Variants in RBL2 observed in about 807,000 individuals in gnomAD.
The protein encoded by RBL2 is retinoblastoma-like protein 2.
Under a neutral mutation model 126.0 loss-of-function variants are expected in RBL2, and 56 were observed. The ratio of observed to expected loss-of-function variants is 0.44; its 90% confidence interval spans 0.36 to 0.56. RBL2 has a LOEUF of 0.56. Ranked by LOEUF, RBL2 falls within the 20% of genes least tolerant of loss-of-function variation. The probability of loss-of-function intolerance (pLI) is 0.00; values close to 1 mark genes in which losing one functional copy is unlikely to be tolerated. For missense variants in RBL2, 1,229 were observed against 1,398.2 expected (o/e 0.88, Z 1.93); for synonymous variants, 454 against 478.5 (o/e 0.95, Z 0.67).
intron 5 of RBL2, 51 bp downstream of exon 5, chr16:53,451,882 T>C: frequency 6.3e-7 from 1 of 1,595,140 alleles, no homozygotes; most frequent in African/African-American, 1.3e-5. Flanking sequence ...CTGTGTTATG[T>C]TTACCCTTGG....
At chr16:53,464,490 T>C (rs4784312) in intron 12 of RBL2, 127 bp downstream of exon 12, 357,152 of 783,250 alleles carry the variant, frequency 0.46, 84,145 homozygotes, top group Middle Eastern at 0.58. Context: ...TTAATCTCTA[T>C]TTGTGGAGTA....
Position 53,469,983 on chromosome 16 carries a change from G to A in RBL2, c.2043G>A (p.Arg681=), listed in dbSNP as rs2058306069. 2 of 1,613,990 alleles carry A rather than the reference G, an allele frequency of 1.2e-6. No homozygotes were observed. The highest frequency in any genetic ancestry group is 2.7e-5 in the African/African-American group (2 of 74,942). The change falls in exon 15 of 22, where the codon CGG becomes CGA. Residue 681 remains arginine (R), a synonymous_variant. Coordinates refer to ENST00000262133, the MANE Select transcript of RBL2 (RefSeq NM_005611.4). The stretch of plus-strand genomic sequence containing the variant: ...CACCAGCCAGCACTACCAGAAGGCG[G>A]CTATTTGTTGAGAATGATAGCCCCT... The part of the protein sequence containing the change: ...SSPPASTTRR[R]LFVENDSPSD...
chr16:53,447,217 C>A, intron 4 of RBL2, 111 bp downstream of exon 4: 1 of 546,488 alleles, frequency 1.8e-6, no homozygotes, highest in Non-Finnish European at 3.1e-6. Context: ...TGAAAATTTT[C>A]TCAAGGGTTT....
chr16:53,479,925 A>G lies in RBL2; in HGVS notation c.2815A>G (p.Arg939Gly), dbSNP rs1455363511. 1.9e-6 allele frequency: 3 copies of G among 1,611,434 alleles called. No individual in the cohort carries two copies. Among genetic ancestry groups the G allele is most frequent in the Admixed American group, 1.7e-5 (1 of 59,804 alleles). Residue 939 changes from arginine (R) to glycine (G), a missense_variant, in exon 19 of 22, where the codon AGA becomes GGA. Coordinates refer to ENST00000262133, the MANE Select transcript of RBL2 (RefSeq NM_005611.4). ...SVLIKGKRKR[R>G]NSGSSDSRSH... is the part of the protein sequence containing the mutation. Reference sequence around the variant, plus strand: ...TTTGATAAAAGGGAAAAGAAAAAGAAGAAATTCTGGCAGCAGTGATAGCAG... The same window carrying G: ...TTTGATAAAAGGGAAAAGAAAAAGAGGAAATTCTGGCAGCAGTGATAGCAG...
Position 53,434,853 on chromosome 16 carries a change from C to G in RBL2, c.240+57C>G. 2.8e-6 allele frequency: 4 copies of G among 1,413,594 alleles called. No individual in the cohort carries two copies. The South Asian group carries it at 4.4e-5, about 15-fold the overall frequency. 87.6% of individuals were successfully genotyped at this position (1,413,594 alleles called of 1,614,324 possible). Reference sequence around the variant, plus strand: ...CTAGTTGGCGTGAACCGGTGCCTTCCGAGCCGCGTCGCGCGCCTCGAGAGA... The same window carrying G: ...CTAGTTGGCGTGAACCGGTGCCTTCGGAGCCGCGTCGCGCGCCTCGAGAGA... On this transcript the variant is annotated intron_variant, in intron 1 of 21. Transcript: ENST00000262133.
Position 53,453,323 on chromosome 16 carries a change from A to G in RBL2, c.767-129A>G, listed in dbSNP as rs766103807. Reference sequence around the variant, plus strand: ...ATTCTTAGCGTTGAAATAGGCCCATATATACTGTTTCCTATACATTTGTAT... The same window carrying G: ...ATTCTTAGCGTTGAAATAGGCCCATGTATACTGTTTCCTATACATTTGTAT... On this transcript the variant is annotated intron_variant, in intron 5 of 21. Coordinates refer to ENST00000262133, the MANE Select transcript of RBL2 (RefSeq NM_005611.4). 1.7e-5 allele frequency: 13 copies of G among 782,114 alleles called. No homozygotes were observed. In the South Asian group the frequency reaches 2.0e-4, roughly 12 times the overall value. The allele number at this position is 782,114 out of a possible 1,614,324, so 48.4% of individuals were successfully genotyped here.
At chr16:53,449,958 CTT>C (rs764078451) in intron 4 of RBL2, among the ~76,000 whole-genome samples, 6 of 109,720 alleles carry the variant, frequency 5.5e-5, no homozygotes, top group Non-Finnish European at 9.3e-5. Context: ...ACAGTACTGC[CTT>C]TTTTTTTTTT....
At chr16:53,444,703 G>C (rs1204266180) in intron 3 of RBL2, among the ~76,000 whole-genome samples, 4 of 151,656 alleles carry the variant, frequency 2.6e-5, no homozygotes, top group African/African-American at 4.9e-5. Context: ...CAAAAATTAG[G>C]CAGGTATGGT....
chr16:53,481,971 A>T, intron 21 of RBL2, 136 bp downstream of exon 21: 1 of 1,050,332 alleles, frequency 9.5e-7, no homozygotes. Flanking sequence ...GTCCTCATGA[A>T]GCAAAACCCA....
chr16:53,473,363 C>G (rs1378221766), intron 17 of RBL2, among the ~76,000 whole-genome samples: 1 of 147,990 alleles, frequency 6.8e-6, no homozygotes, highest in African/African-American at 2.4e-5. Flanking sequence ...GTTTTTTTTT[C>G]AACAATGCTT....
chr16:53,457,846 CACCT>C (rs2058184001), intron 8 of RBL2, among the ~76,000 whole-genome samples: 1 of 152,202 alleles, frequency 6.6e-6, no homozygotes, highest in South Asian at 2.1e-4. Context: ...GTGGTTGTCA[CACCT>C]AGTTTCCTCT....
chr16:53,434,853 C>T, intron 1 of RBL2, 57 bp downstream of exon 1: 1 of 1,413,594 alleles, frequency 7.1e-7, no homozygotes, highest in Non-Finnish European at 9.2e-7. Flanking sequence ...CGGTGCCTTC[C>T]GAGCCGCGTC....
chr16:53,435,418 G>A (rs898226289), intron 1 of RBL2, among the ~76,000 whole-genome samples: 5 of 152,172 alleles, frequency 3.3e-5, no homozygotes, highest in African/African-American at 7.2e-5. Context: ...CTAGGATCAG[G>A]ACTGTGGCTA....
chr16:53,452,907 C>T (rs1182673021), intron 5 of RBL2, among the ~76,000 whole-genome samples: 1 of 151,994 alleles, frequency 6.6e-6, no homozygotes, highest in African/African-American at 2.4e-5. Flanking sequence ...TGGACTCAAG[C>T]GATGTACCCA....
At chr16:53,480,997 A>G (rs1023557917) in intron 20 of RBL2, 3 of 373,646 alleles carry the variant, frequency 8.0e-6, no homozygotes, top group Admixed American at 4.2e-5. Flanking sequence ...AGTCTCTACT[A>G]AAAATACAAA....
At chr16:53,451,927 G>T in intron 5 of RBL2, 96 bp downstream of exon 5, 1 of 1,394,508 alleles carries the variant, frequency 7.2e-7, no homozygotes, top group Non-Finnish European at 1.0e-6. Flanking sequence ...GTATTTTGAA[G>T]AGCTCCTGTC....
intron 17 of RBL2, 185 bp from the exon 18 acceptor site, chr16:53,478,969 T>C (rs978543025): frequency 1.0e-5 from 6 of 586,734 alleles, no homozygotes; most frequent in Non-Finnish European, 1.8e-5. Context: ...TTTTATTGAA[T>C]TTTAATAGAT....
chr16:53,451,472 C>CTCCA (rs1465853316), intron 4 of RBL2, among the ~76,000 whole-genome samples: 3 of 152,086 alleles, frequency 2.0e-5, no homozygotes, highest in Admixed American at 1.3e-4. Context: ...TACCACTGTA[C>CTCCA]TCCAGCCTGG....
chr16:53,460,497 A>G (rs2058209767), intron 9 of RBL2, among the ~76,000 whole-genome samples: 2 of 152,180 alleles, frequency 1.3e-5, no homozygotes, highest in Admixed American at 1.3e-4. Context: ...TGTTTTTCAG[A>G]TGCACCTTGT....
Sources: allele counts gnomAD v4.1 joint callset (sites outside exome capture counted in the v4.1 genomes callset), GRCh38; gene constraint gnomAD v4.1.1; transcripts MANE v1.5; gene names NCBI Gene and HGNC (gene_info 2026-07-23, HGNC 2026-07-21).